Variants in PCDHGC4 observed in about 807,000 individuals in gnomAD.
The protein encoded by PCDHGC4 is protocadherin gamma subfamily C, 4, also known as protocadherin gamma-C4.
In PCDHGC4, 15 loss-of-function variants were observed where a neutral mutation model predicts 59.7. The observed-to-expected ratio is 0.25, with a 90% CI of 0.17 to 0.39. PCDHGC4 has a LOEUF of 0.39. PCDHGC4 is among the 10% of genes least tolerant of loss of function. The probability of loss-of-function intolerance (pLI) is 1.00; values close to 1 mark genes in which losing one functional copy is unlikely to be tolerated. For missense variants in PCDHGC4, 1,016 were observed against 1,189.5 expected, an observed-to-expected ratio of 0.85 and a Z score of 2.15; for synonymous variants, 434 against 481.4, an observed-to-expected ratio of 0.90 and a Z score of 1.29.
At position 141,485,221 on chromosome 5, in the gene PCDHGC4, C is replaced by A; in HGVS notation, c.48C>A (p.Thr16=). 4 of 1,614,118 alleles carry A rather than the reference C, an allele frequency of 2.5e-6. No individual in the cohort carries two copies. The highest frequency in any genetic ancestry group is 2.2e-5 in the East Asian group (1 of 44,868). ...GGACAGAAATCTGGCGGTGGGCTAC[C>A]CTTTTGTTCCTCTTTTACCACCTGG... ...RSWTEIWRWA[T]LLFLFYHLGY... is the part of the protein sequence containing the mutation. Residue 16 remains threonine (T), a synonymous_variant, in exon 1 of 4, where the codon ACC becomes ACA. Coordinates refer to ENST00000306593, the MANE Select transcript of PCDHGC4 (RefSeq NM_018928.3). The surrounding 1 kb of genome is among the most constrained non-coding windows in gnomAD (Gnocchi z 5.7).
rs774898388 is a variant in PCDHGC4, at chr5:141,491,593, A to G, written c.2443-3214A>G. 6.8e-6 allele frequency: 11 copies of G among 1,613,918 alleles called. No individual in the cohort carries two copies. In the Admixed American group the frequency reaches 1.2e-4, roughly 17 times the overall value. Reference sequence around the variant, plus strand: ...GTGCTTTTCACCGGCCTCGGACGGCAGTGACTTCACTTTTCTAAGACCCCT... The same window carrying G: ...GTGCTTTTCACCGGCCTCGGACGGCGGTGACTTCACTTTTCTAAGACCCCT... On this transcript the variant is annotated intron_variant, in intron 1 of 3. Transcript: ENST00000306593. This position sits in a 1 kb window ranked among gnomAD's most constrained non-coding sequence, Gnocchi z 6.9.
At chr5:141,494,156 C>T (rs566096073) in intron 1 of PCDHGC4, among the ~76,000 whole-genome samples, 22 of 152,316 alleles carry the variant, frequency 1.4e-4, no homozygotes, top group African/African-American at 4.3e-4. Context: ...TTGTCTGGCA[C>T]GGAGTTCTAG....
At position 141,487,510 on chromosome 5, in the gene PCDHGC4, C is replaced by A; in HGVS notation, c.2337C>A (p.Pro779=). Residue 779 remains proline, a synonymous_variant, in exon 1 of 4, where the codon CCC becomes CCA. Transcript: ENST00000306593. The surrounding 1 kb of genome is among the most constrained non-coding windows in gnomAD (Gnocchi z 5.0). ...GCTGTACACCCTTGGCTTCTGCACC[C>A]ACTCGGAGTGATAGCTTCATGATGG... is the stretch of plus-strand genomic sequence containing the variant. ...SHGCTPLASA[P]TRSDSFMMVK... The A allele has an allele frequency of 6.2e-7, 1 of 1,614,210 alleles. No homozygotes were observed. Among genetic ancestry groups the A allele is most frequent in the Non-Finnish European group, 8.5e-7 (1 of 1,180,042 alleles).
intron 2 of PCDHGC4, among the ~76,000 whole-genome samples, chr5:141,503,077 T>C (rs902429288): frequency 6.6e-6 from 1 of 151,810 alleles, no homozygotes; most frequent in African/African-American, 2.4e-5. Flanking sequence ...ATGGTCTCGA[T>C]CTCCTGACCT....
rs558074504 is a variant in PCDHGC4 at position 141,489,065 on chromosome 5, C to A, written c.2442+1450C>A. ...CCACTCAAATTCAGCTCCCCTCCCCCCTGCCCACCCCCGCCACTCGGTGAC... is the reference window on the plus strand; with the variant it reads ...CCACTCAAATTCAGCTCCCCTCCCCACTGCCCACCCCCGCCACTCGGTGAC... On this transcript the variant is annotated intron_variant, in intron 1 of 3. Transcript: ENST00000306593. The surrounding 1 kb of genome is among the most constrained non-coding windows in gnomAD (Gnocchi z 4.5). 1,377 of 389,040 alleles carry A rather than the reference C, an allele frequency of 3.5e-3. 31 individuals carry two copies. Among genetic ancestry groups the A allele is most frequent in the Admixed American group, 9.8e-3 (226 of 22,946 alleles). 24.1% of individuals were successfully genotyped at this position (389,040 alleles called of 1,614,324 possible).
At position 141,489,651 on chromosome 5, in the gene PCDHGC4, G is replaced by A; in HGVS notation, c.2442+2036G>A. 6.2e-7 allele frequency: 1 copy of A among 1,614,186 alleles called. No individual in the cohort carries two copies. Among genetic ancestry groups the A allele is most frequent in the Non-Finnish European group, 8.5e-7 (1 of 1,180,032 alleles). ...ACTCTCCTAGCTTTGCCACCCCTGA[G>A]CGAGAGATGCGCATCTCAGAATCAG... On this transcript the variant is annotated intron_variant, in intron 1 of 3. Coordinates refer to ENST00000306593, the MANE Select transcript of PCDHGC4 (RefSeq NM_018928.3). The surrounding 1 kb of genome is among the most constrained non-coding windows in gnomAD (Gnocchi z 4.5).
At position 141,490,460 on chromosome 5, in the gene PCDHGC4, TA is replaced by T. The variant is rs1393913480; in HGVS notation, c.2442+2847del. 1.2e-6 allele frequency: 2 copies of T among 1,614,094 alleles called. No individual in the cohort carries two copies. The highest frequency in any genetic ancestry group is 1.7e-6 in the Non-Finnish European group (2 of 1,180,048). On this transcript the variant is annotated intron_variant, in intron 1 of 3. Coordinates refer to ENST00000306593, the MANE Select transcript of PCDHGC4 (RefSeq NM_018928.3). The surrounding 1 kb of genome is among the most constrained non-coding windows in gnomAD (Gnocchi z 5.4). ...CCTTCTGAGAACCACTACTCGCTGC[TA>T]ACCAGCCAGCCTTTGGACCGGGAGG... is the stretch of plus-strand genomic sequence containing the variant.
At position 141,486,135 on chromosome 5, in the gene PCDHGC4, G is replaced by A. The variant is rs145871538; in HGVS notation, c.962G>A (p.Arg321Gln). ...ESENYYEFDV[R>Q]ARDGGSPAME... is the part of the protein sequence containing the mutation. ...GAGAATTACTATGAATTTGATGTGC[G>A]GGCTCGCGATGGGGGTTCTCCAGCC... Residue 321 changes from arginine to glutamine, a missense_variant, in exon 1 of 4, where the codon CGG becomes CAG. Transcript: ENST00000306593. This position sits in a 1 kb window ranked among gnomAD's most constrained non-coding sequence, Gnocchi z 5.0. The A allele has an allele frequency of 1.9e-6, 3 of 1,614,168 alleles. No homozygotes were observed. Among genetic ancestry groups the A allele is most frequent in the Non-Finnish European group, 2.5e-6 (3 of 1,180,022 alleles).
chr5:141,491,513 A>C lies in PCDHGC4; in HGVS notation c.2443-3294A>C, dbSNP rs1163218369. On this transcript the variant is annotated intron_variant, in intron 1 of 3. Coordinates refer to ENST00000306593, the MANE Select transcript of PCDHGC4 (RefSeq NM_018928.3). The surrounding 1 kb of genome is among the most constrained non-coding windows in gnomAD (Gnocchi z 6.9). ...CAGGTGAGCTCGGACGGCACGCTCAAGTACATGGAGGTGACGCTGCGGCCC... is the reference window on the plus strand; with the variant it reads ...CAGGTGAGCTCGGACGGCACGCTCACGTACATGGAGGTGACGCTGCGGCCC... The C allele has an allele frequency of 6.2e-7, 1 of 1,613,934 alleles. No individual in the cohort carries two copies. Among genetic ancestry groups the C allele is most frequent in the East Asian group, 2.2e-5 (1 of 44,888 alleles).
rs1310725827 is a variant in PCDHGC4, at chr5:141,500,934, T to C, written c.2502-4459T>C. The stretch of plus-strand genomic sequence containing the variant: ...TCCAGGCTGGGGTGCAGTGGCGCCA[T>C]CTCGGCTCACTGCAAGCTCCACCTC... On this transcript the variant is annotated intron_variant, in intron 2 of 3. Transcript: ENST00000306593. 5.9e-5 allele frequency among the ~76,000 whole-genome samples: 9 copies of C among 151,906 alleles called. 1 individual carries two copies. Among genetic ancestry groups the C allele is most frequent in the Non-Finnish European group, 1.3e-4 (9 of 68,020 alleles).
At position 141,486,481 on chromosome 5, in the gene PCDHGC4, T is replaced by C. The variant is rs1562112794; in HGVS notation, c.1308T>C (p.Ser436=). 1 of 1,614,036 alleles carries C rather than the reference T, an allele frequency of 6.2e-7. No individual in the cohort carries two copies. The highest frequency in any genetic ancestry group is 8.5e-7 in the Non-Finnish European group (1 of 1,179,976). Reference sequence around the variant, plus strand: ...CTGATGCTGGGAACCCTCCTCTCAGTACCCACAGAACTATTTTCCTCAATA... The same window carrying C: ...CTGATGCTGGGAACCCTCCTCTCAGCACCCACAGAACTATTTTCCTCAATA... The part of the protein sequence containing the change: ...TASDAGNPPL[S]THRTIFLNIS... Residue 436 remains serine, a synonymous_variant, in exon 1 of 4, where the codon AGT becomes AGC. Coordinates refer to ENST00000306593, the MANE Select transcript of PCDHGC4 (RefSeq NM_018928.3). This position sits in a 1 kb window ranked among gnomAD's most constrained non-coding sequence, Gnocchi z 5.0.
At chr5:141,509,275 G>A (rs185255724) in intron 3 of PCDHGC4, among the ~76,000 whole-genome samples, 1 of 152,096 alleles carries the variant, frequency 6.6e-6, no homozygotes, top group East Asian at 1.9e-4. Flanking sequence ...CTCGCTACCC[G>A]CTCCCAGGGT....
intron 2 of PCDHGC4, among the ~76,000 whole-genome samples, chr5:141,504,355 C>T (rs974022699): frequency 6.6e-6 from 1 of 152,078 alleles, no homozygotes; most frequent in Non-Finnish European, 1.5e-5. Flanking sequence ...GTGCTAGGTG[C>T]TTCAGTAGGA....
chr5:141,495,032 G>T, intron 2 of PCDHGC4, 167 bp downstream of exon 2: 1 of 967,732 alleles, frequency 1.0e-6, no homozygotes, highest in Non-Finnish European at 1.2e-6. Flanking sequence ...GACCCCGGAA[G>T]GAAGAGGCGA....
chr5:141,498,002 C>T (rs1442305270), intron 2 of PCDHGC4, among the ~76,000 whole-genome samples: 2 of 152,178 alleles, frequency 1.3e-5, no homozygotes, highest in East Asian at 1.9e-4. Flanking sequence ...AAGGAGTTTA[C>T]AGTGCACTGA....
intron 1 of PCDHGC4, among the ~76,000 whole-genome samples, chr5:141,488,238 C>G (rs374846692): frequency 6.6e-6 from 1 of 152,154 alleles, no homozygotes; most frequent in African/African-American, 2.4e-5. Context: ...GAACTAGATG[C>G]GGTAAATTGG....
At chr5:141,492,312 C>G (rs1470136040) in intron 1 of PCDHGC4, among the ~76,000 whole-genome samples, 3 of 152,230 alleles carry the variant, frequency 2.0e-5, no homozygotes, top group Non-Finnish European at 4.4e-5. Context: ...CGCACGCACT[C>G]CTCGCACGTG....
intron 2 of PCDHGC4, among the ~76,000 whole-genome samples, chr5:141,500,184 TTTTATTTA>T (rs58019021): frequency 0.099 from 13,469 of 135,812 alleles, 757 homozygotes; most frequent in African/African-American, 0.15. Context: ...TCATTTTTAT[TTTTATTTA>T]TTTATTTATT....
At position 141,494,925 on chromosome 5, in the gene PCDHGC4, G is replaced by A. The variant is rs936071950; in HGVS notation, c.2501+60G>A. On this transcript the variant is annotated intron_variant, in intron 2 of 3. Coordinates refer to ENST00000306593, the MANE Select transcript of PCDHGC4 (RefSeq NM_018928.3). ...TGCGGCATTTTCTCAGGGATGACGT[G>A]GGAGGAGATGGGGGAGGGCCCAGCA... is the stretch of plus-strand genomic sequence containing the variant. The A allele has an allele frequency of 3.3e-4, 525 of 1,613,316 alleles. 2 individuals carry two copies. Among genetic ancestry groups the A allele is most frequent in the Admixed American group, 4.7e-4 (28 of 59,956 alleles).
Sources: gnomAD v4.1 joint callset for allele counts (sites outside exome capture counted in the v4.1 genomes callset) on GRCh38, gnomAD v4.1.1 for gene constraint, Gnocchi (gnomAD v3.1) non-coding constraint, MANE v1.5 for transcripts, NCBI Gene and HGNC (gene_info 2026-07-23, HGNC 2026-07-21) for gene names.